Variants in COL5A1 observed in about 807,000 individuals in gnomAD.
The protein encoded by COL5A1 is collagen alpha-1(V) chain.
A neutral mutation model predicts 263.7 loss-of-function variants in COL5A1; 16 were observed. The ratio of observed to expected loss-of-function variants is 0.06; its 90% CI spans 0.04 to 0.09. COL5A1 has a LOEUF of 0.09. COL5A1 is among the 10% of genes least tolerant of loss of function. The pLI is 1.00. For synonymous variants in COL5A1, 1,012 were observed against 1,004.5 expected (o/e 1.01, Z -0.14); for missense variants, 2,036 against 2,540.5 (o/e 0.80, Z 4.27).
intron 4 of COL5A1, among the ~76,000 whole-genome samples, chr9:134,718,874 TG>T (rs931692224): frequency 6.6e-5 from 10 of 152,040 alleles, no homozygotes; most frequent in African/African-American, 1.7e-4. Flanking sequence ...GCCTTCCTCC[TG>T]GGGGGGCTGC....
intron 24 of COL5A1, among the ~76,000 whole-genome samples, 198 bp downstream of exon 24, chr9:134,767,552 C>A (rs1162140885): frequency 6.6e-6 from 1 of 152,186 alleles, no homozygotes; most frequent in South Asian, 2.1e-4. Flanking sequence ...TTGATTCATA[C>A]GTTTATTCAT....
intron 63 of COL5A1, among the ~76,000 whole-genome samples, chr9:134,827,148 G>A (rs1839317481): frequency 6.6e-6 from 1 of 152,226 alleles, no homozygotes; most frequent in Admixed American, 6.5e-5. Flanking sequence ...GTGCGCCCCT[G>A]CAGCCTCTGC....
At chr9:134,732,173 C>T (rs1381546641) in intron 9 of COL5A1, 46 bp downstream of exon 9, 1 of 1,601,444 alleles carries the variant, frequency 6.2e-7, no homozygotes, top group Non-Finnish European at 8.6e-7. Flanking sequence ...GTGTCCGCTG[C>T]TCGGGGTCAC....
chr9:134,665,331 T>G (rs1588418053), intron 1 of COL5A1, among the ~76,000 whole-genome samples: 1 of 152,122 alleles, frequency 6.6e-6, no homozygotes, highest in Non-Finnish European at 1.5e-5. Flanking sequence ...CGAGAGCCGT[T>G]TAGGTGGGTT....
intron 11 of COL5A1, among the ~76,000 whole-genome samples, chr9:134,744,466 TA>T (rs1245863905): frequency 1.3e-5 from 2 of 149,682 alleles, no homozygotes; most frequent in African/African-American, 4.9e-5. Context: ...CACTCACCTA[TA>T]CATACACGTA....
Position 134,782,133 on chromosome 9 carries a change from C to T in COL5A1, c.2431-534C>T, listed in dbSNP as rs565006020. Among the ~76,000 whole-genome samples, 5 of 152,338 alleles carry T rather than the reference C, an allele frequency of 3.3e-5. No homozygotes were observed. In the East Asian group the frequency reaches 9.6e-4, roughly 29 times the overall value. On this transcript the variant is annotated intron_variant, in intron 28 of 65. Coordinates refer to ENST00000371817, the MANE Select transcript of COL5A1 (RefSeq NM_000093.5). ...CAGCCTCACTTGGGTCCCAGGTTCA[C>T]CAGTAACCCAGGGGTGCGCGGGCCG...
intron 4 of COL5A1, among the ~76,000 whole-genome samples, chr9:134,725,461 G>A (rs989390776): frequency 6.6e-6 from 1 of 152,094 alleles, no homozygotes; most frequent in Non-Finnish European, 1.5e-5. Flanking sequence ...TCTGATTATG[G>A]TCAAAAGATC....
intron 1 of COL5A1, among the ~76,000 whole-genome samples, chr9:134,688,046 C>G (rs912639964): frequency 1.3e-5 from 2 of 152,202 alleles, no homozygotes; most frequent in African/African-American, 4.8e-5. Context: ...CCTGGGCTCT[C>G]CCCAACCTTT....
At chr9:134,793,108 T>A (rs1588556151) in intron 32 of COL5A1, among the ~76,000 whole-genome samples, 1 of 151,888 alleles carries the variant, frequency 6.6e-6, no homozygotes, top group Admixed American at 6.5e-5. Flanking sequence ...GAGGAGTGGG[T>A]GTGAGCAAAG....
In COL5A1 at chr9:134,758,884, G is replaced by A. The variant is rs1483406137; in HGVS notation, c.1935+588G>A. Among the ~76,000 whole-genome samples the A allele has an allele frequency of 6.6e-6, 1 of 152,180 alleles. No individual in the cohort carries two copies. The highest frequency in any genetic ancestry group is 1.5e-5 in the Non-Finnish European group (1 of 68,024). On this transcript the variant is annotated intron_variant, in intron 18 of 65. Coordinates refer to ENST00000371817, the MANE Select transcript of COL5A1 (RefSeq NM_000093.5). This position sits in a 1 kb window ranked among gnomAD's most constrained non-coding sequence, Gnocchi z 4.1. ...TTCTATGTGGTTGTTGGAGAACACA[G>A]ATGCGGCAGCTTTGGATAAACGGCA...
At chr9:134,798,810 T>C (rs1164206291) in intron 37 of COL5A1, among the ~76,000 whole-genome samples, 1 of 152,260 alleles carries the variant, frequency 6.6e-6, no homozygotes, top group Non-Finnish European at 1.5e-5. Context: ...CCAGCCTTAT[T>C]TTCCCTCTAG....
intron 2 of COL5A1, among the ~76,000 whole-genome samples, chr9:134,697,788 C>T (rs879708119): frequency 3.9e-5 from 6 of 152,186 alleles, no homozygotes; most frequent in Admixed American, 6.5e-5. Context: ...CAGAGTCCCC[C>T]GCCCACATCC....
chr9:134,837,839 G>T (rs115422840), intron 65 of COL5A1, among the ~76,000 whole-genome samples: 5 of 152,040 alleles, frequency 3.3e-5, no homozygotes, highest in African/African-American at 4.8e-5. Flanking sequence ...TTCTACATAC[G>T]CAAAACCTGA....
chr9:134,772,881 G>C (rs200076730), intron 26 of COL5A1, 47 bp downstream of exon 26: 2 of 1,586,026 alleles, frequency 1.3e-6, no homozygotes, highest in African/African-American at 2.7e-5. Flanking sequence ...CAGGTGGGGC[G>C]GGTCCAGGTG....
intron 2 of COL5A1, among the ~76,000 whole-genome samples, chr9:134,695,250 C>G (rs185326853): frequency 3.3e-5 from 5 of 152,208 alleles, no homozygotes; most frequent in African/African-American, 7.2e-5. Context: ...TCTGCCCACA[C>G]CCCCCTGCCC....
rs1588623525 is a variant in COL5A1 at position 134,844,181 on chromosome 9, A to T, written c.*1878A>T. On this transcript the variant is annotated 3_prime_UTR_variant, in exon 66 of 66. Transcript: ENST00000371817. ...ACAAGCCACCCAGGAGGAACAAAAC[A>T]CCGCCAGCGTGGATTTTCCAAATTT... The T allele has an allele frequency of 6.6e-6, 1 of 152,512 alleles. No individual in the cohort carries two copies. Among genetic ancestry groups the T allele is most frequent in the South Asian group, 2.1e-4 (1 of 4,830 alleles). 9.4% of individuals were successfully genotyped at this position (152,512 alleles called of 1,614,324 possible).
At chr9:134,676,918 C>T (rs573543014) in intron 1 of COL5A1, among the ~76,000 whole-genome samples, 1 of 152,324 alleles carries the variant, frequency 6.6e-6, no homozygotes, top group Non-Finnish European at 1.5e-5. Context: ...CAAGCATCTG[C>T]TCTGAGCTAA....
intron 1 of COL5A1, among the ~76,000 whole-genome samples, chr9:134,655,935 C>T (rs1465385113): frequency 1.3e-5 from 2 of 152,182 alleles, no homozygotes; most frequent in Non-Finnish European, 2.9e-5. Flanking sequence ...TGCCATTTTG[C>T]AGAGGGTTGG....
intron 64 of COL5A1, among the ~76,000 whole-genome samples, chr9:134,830,859 C>T (rs76090082): frequency 0.032 from 4,830 of 152,318 alleles, 95 homozygotes; most frequent in Non-Finnish European, 0.043. Flanking sequence ...GCTTCTGCCG[C>T]GTGGAGTGCC....
Sources: gnomAD v4.1 joint callset for allele counts (sites outside exome capture counted in the v4.1 genomes callset) on GRCh38, gnomAD v4.1.1 for gene constraint, Gnocchi (gnomAD v3.1) non-coding constraint, MANE v1.5 for transcripts, NCBI Gene and HGNC (gene_info 2026-07-23, HGNC 2026-07-21) for gene names.